Variants in STK31 observed in about 807,000 individuals in gnomAD.
STK31 encodes serine/threonine-protein kinase 31.
In STK31, 89 loss-of-function variants were observed where a neutral mutation model predicts 129.7. The observed-to-expected ratio is 0.69, with a 90% CI of 0.58 to 0.82. The LOEUF (loss-of-function observed/expected upper bound fraction) is 0.82. Among genes scored for constraint, STK31 ranks in the 40% least tolerant of loss-of-function variants. The pLI is 0.00. For missense variants in STK31, 1,187 were observed against 1,176.4 expected, an observed-to-expected ratio of 1.01 and a Z score of -0.13; for synonymous variants, 448 against 395.3, an observed-to-expected ratio of 1.13 and a Z score of -1.58.
intron 11 of STK31, among the ~76,000 whole-genome samples, chr7:23,767,925 A>C (rs565103079): frequency 1.5e-4 from 23 of 152,008 alleles, no homozygotes; most frequent in Non-Finnish European, 2.8e-4. Context: ...TTTTTTTCTT[A>C]TCTCTGTAAA....
At chr7:23,816,510 A>G (rs1793481236) in intron 23 of STK31, among the ~76,000 whole-genome samples, 1 of 152,238 alleles carries the variant, frequency 6.6e-6, no homozygotes, top group African/African-American at 2.4e-5. Context: ...TGGCTGGGCT[A>G]CAGTCATCTT....
At chr7:23,752,184 T>A (rs1788751992) in intron 8 of STK31, among the ~76,000 whole-genome samples, 1 of 152,116 alleles carries the variant, frequency 6.6e-6, no homozygotes, top group Admixed American at 6.5e-5. Context: ...CAAAAAAAGA[T>A]GATGAATGAA....
chr7:23,830,776 C>G (rs745658392), intron 23 of STK31, among the ~76,000 whole-genome samples: 1 of 152,038 alleles, frequency 6.6e-6, no homozygotes, highest in Non-Finnish European at 1.5e-5. Context: ...TCTGCCACCA[C>G]ACTCATCTAA....
At chr7:23,736,764 A>T (rs1787742998) in intron 7 of STK31, 140 bp from the exon 8 acceptor site, 1 of 556,246 alleles carries the variant, frequency 1.8e-6, no homozygotes. Flanking sequence ...TTTTAATATT[A>T]TGAACTAGGT....
chr7:23,809,795 G>T (rs144872780), intron 22 of STK31, among the ~76,000 whole-genome samples: 1 of 150,028 alleles, frequency 6.7e-6, no homozygotes, highest in South Asian at 2.1e-4. Context: ...ATTCAGTACC[G>T]TAACATACAA....
intron 3 of STK31, among the ~76,000 whole-genome samples, chr7:23,717,248 A>T (rs766637059): frequency 2.6e-5 from 4 of 151,562 alleles, no homozygotes; most frequent in Non-Finnish European, 5.9e-5. Context: ...TATATTTGGT[A>T]TCTTGTTTGA....
chr7:23,762,911 A>G lies in STK31; in HGVS notation c.1404A>G (p.Leu468=). The change falls in exon 11 of 24, where the codon TTA becomes TTG. Residue 468 remains leucine (L), a synonymous_variant. Transcript: ENST00000355870. ...ATGAGTCATCTCTTAATAAACGCTT[A>G]AAAACATTGCAGGTTGGAATTAAAA... The part of the protein sequence containing the change: ...EVDESSLNKR[L]KTLQDLSVSL... The G allele has an allele frequency of 1.3e-6, 2 of 1,577,678 alleles. No individual in the cohort carries two copies. The highest frequency in any genetic ancestry group is 1.7e-6 in the Non-Finnish European group (2 of 1,166,594).
At chr7:23,805,868 G>A (rs1022421398) in intron 22 of STK31, among the ~76,000 whole-genome samples, 1 of 152,198 alleles carries the variant, frequency 6.6e-6, no homozygotes, top group African/African-American at 2.4e-5. Context: ...CATAGAACAT[G>A]TTTGGAACTA....
chr7:23,825,997 T>C (rs1427625319), intron 23 of STK31, among the ~76,000 whole-genome samples: 1 of 152,210 alleles, frequency 6.6e-6, no homozygotes, highest in Admixed American at 6.5e-5. Context: ...TTACATTTGC[T>C]GAGGAGAGCT....
In STK31 at chr7:23,795,863, T is replaced by C. The variant is rs780487932; in HGVS notation, c.2760+4917T>C. Among the ~76,000 whole-genome samples the C allele has an allele frequency of 3.3e-5, 5 of 152,344 alleles. No individual in the cohort carries two copies. In the South Asian group the frequency reaches 8.3e-4, roughly 25 times the overall value. On this transcript the variant is annotated intron_variant, in intron 22 of 23. Coordinates refer to ENST00000355870, the MANE Select transcript of STK31 (RefSeq NM_031414.5). ...CAATTTCTCCCATTTGGAACAGGTG[T>C]ATTTACCCAATGCCTGTACCCCATT...
chr7:23,786,506 A>G lies in STK31; in HGVS notation c.2275-2A>G. The stretch of plus-strand genomic sequence containing the variant: ...TACGAGTGCCTCTTTCTTTGGTACA[A>G]GGGCTATTCTGTGGATGTTGACACA... On this transcript the variant is annotated splice_acceptor_variant, in intron 18 of 23. Transcript: ENST00000355870. LOFTEE classifies it high-confidence loss of function. 2 of 1,606,610 alleles carry G rather than the reference A, an allele frequency of 1.2e-6. No individual in the cohort carries two copies. Among genetic ancestry groups the G allele is most frequent in the South Asian group, 1.1e-5 (1 of 89,012 alleles).
intron 22 of STK31, among the ~76,000 whole-genome samples, chr7:23,806,444 C>T (rs951937672): frequency 3.3e-5 from 5 of 152,158 alleles, no homozygotes; most frequent in Non-Finnish European, 7.3e-5. Flanking sequence ...CTTCTCTGAA[C>T]CTTAGCAGTG....
At chr7:23,714,419 G>C (rs1786172551) in intron 3 of STK31, among the ~76,000 whole-genome samples, 1 of 152,114 alleles carries the variant, frequency 6.6e-6, no homozygotes, top group African/African-American at 2.4e-5. Context: ...CTAGACTAGT[G>C]CTGTCTAGTA....
chr7:23,731,903 T>G (rs546788893), intron 6 of STK31, among the ~76,000 whole-genome samples: 99 of 152,378 alleles, frequency 6.5e-4, no homozygotes, highest in African/African-American at 2.2e-3. Context: ...TGTTTCTGAA[T>G]GAAGCTTACC....
intron 13 of STK31, 56 bp from the exon 14 acceptor site, chr7:23,770,949 C>G: frequency 6.6e-7 from 1 of 1,507,612 alleles, no homozygotes; most frequent in Non-Finnish European, 8.9e-7. Flanking sequence ...TATTGGAGGC[C>G]TTAGCTGTTT....
intron 5 of STK31, among the ~76,000 whole-genome samples, chr7:23,728,553 G>A (rs976344519): frequency 6.6e-6 from 1 of 152,136 alleles, no homozygotes; most frequent in Non-Finnish European, 1.5e-5. Context: ...TTAAAGGGCA[G>A]CATGATGTTT....
At chr7:23,804,638 A>C (rs1312677413) in intron 22 of STK31, among the ~76,000 whole-genome samples, 1 of 152,216 alleles carries the variant, frequency 6.6e-6, no homozygotes, top group African/African-American at 2.4e-5. Flanking sequence ...GTTAGTGGTC[A>C]TACTGATCAC....
intron 22 of STK31, among the ~76,000 whole-genome samples, chr7:23,806,696 A>G (rs1276786722): frequency 6.6e-6 from 1 of 151,950 alleles, no homozygotes; most frequent in Non-Finnish European, 1.5e-5. Context: ...GTCAGGAGAT[A>G]GAGACCATCC....
intron 11 of STK31, among the ~76,000 whole-genome samples, chr7:23,765,133 C>A (rs111623429): frequency 1.3e-4 from 20 of 152,124 alleles, no homozygotes; most frequent in African/African-American, 4.6e-4. Flanking sequence ...CCGCTCACTG[C>A]AACCTCTGCC....
Sources: allele counts gnomAD v4.1 joint callset (sites outside exome capture counted in the v4.1 genomes callset), GRCh38; gene constraint gnomAD v4.1.1; transcripts MANE v1.5; gene names NCBI Gene and HGNC (gene_info 2026-07-23, HGNC 2026-07-21).